Variants in ZDHHC2 observed in about 807,000 individuals in gnomAD.
ZDHHC2 encodes the protein zDHHC palmitoyltransferase 2, also known as palmitoyltransferase ZDHHC2.
ZDHHC2 carries 51 observed loss-of-function variants against 55.6 expected under a neutral mutation model. The observed-to-expected ratio is 0.92, with a 90% CI of 0.73 to 1.16. The LOEUF is 1.16. Ranked by LOEUF, ZDHHC2 falls within the 50% of genes most tolerant of loss-of-function variation. The pLI is 0.00. For missense variants in ZDHHC2, 491 were observed against 442.4 expected, an observed-to-expected ratio of 1.11 and a Z score of -0.99; for synonymous variants, 199 against 152.9, an observed-to-expected ratio of 1.30 and a Z score of -2.22.
At chr8:17,179,212 CA>C (rs1348272380) in intron 1 of ZDHHC2, among the ~76,000 whole-genome samples, 1 of 152,142 alleles carries the variant, frequency 6.6e-6, no homozygotes, top group Non-Finnish European at 1.5e-5. Context: ...CTTGGCCTCC[CA>C]AAGTGCTGGG....
chr8:17,186,518 CTT>C, intron 3 of ZDHHC2, 93 bp downstream of exon 3: 1 of 734,666 alleles, frequency 1.4e-6, no homozygotes, highest in Non-Finnish European at 2.0e-6. Context: ...ATGTTGCAAA[CTT>C]ATTGAGTTTA....
chr8:17,199,626 TTTC>T (rs1554466250), intron 6 of ZDHHC2, among the ~76,000 whole-genome samples: 10 of 48,572 alleles, frequency 2.1e-4, no homozygotes, highest in African/African-American at 4.0e-4. Context: ...TTCTTCTTCC[TTTC>T]TTCTTCTTCT....
At chr8:17,205,309 G>T (rs117636167) in intron 6 of ZDHHC2, among the ~76,000 whole-genome samples, 1 of 152,328 alleles carries the variant, frequency 6.6e-6, no homozygotes, top group African/African-American at 2.4e-5. Context: ...CAAAGATGGC[G>T]TAGAGGAAGG....
chr8:17,188,102 A>G (rs148431870), intron 3 of ZDHHC2, among the ~76,000 whole-genome samples: 75 of 152,348 alleles, frequency 4.9e-4, no homozygotes, highest in Non-Finnish European at 9.0e-4. Flanking sequence ...TATTATAATG[A>G]TAATTATGTT....
At chr8:17,198,360 G>C (rs1167912933) in intron 5 of ZDHHC2, 21 bp from the exon 6 acceptor site, 1 of 1,595,006 alleles carries the variant, frequency 6.3e-7, no homozygotes, top group Non-Finnish European at 8.5e-7. Flanking sequence ...ATTAGGTTTT[G>C]TGTTCTGCTT....
At position 17,163,711 on chromosome 8, in the gene ZDHHC2, A is replaced by C. The variant is rs578115573; in HGVS notation, c.130+6858A>C. On this transcript the variant is annotated intron_variant, in intron 1 of 12. Transcript: ENST00000262096. ...CAGCACTGCTTATGATGAGTGTAGAAATTCTGTCTTGTCTGTCTTGCAGAA... is the reference window on the plus strand; with the variant it reads ...CAGCACTGCTTATGATGAGTGTAGACATTCTGTCTTGTCTGTCTTGCAGAA... Among the ~76,000 whole-genome samples, 7 of 152,274 alleles carry C rather than the reference A, an allele frequency of 4.6e-5. No individual in the cohort carries two copies. The South Asian group carries it at 1.5e-3, about 32-fold the overall frequency.
chr8:17,191,891 A>G (rs1164817549), intron 3 of ZDHHC2, among the ~76,000 whole-genome samples: 1 of 152,188 alleles, frequency 6.6e-6, no homozygotes, highest in East Asian at 1.9e-4. Context: ...TGAGAAACCC[A>G]TCGTAGTAGT....
intron 1 of ZDHHC2, among the ~76,000 whole-genome samples, chr8:17,157,272 C>G (rs1804109830): frequency 6.6e-6 from 1 of 152,186 alleles, no homozygotes; most frequent in Non-Finnish European, 1.5e-5. Context: ...GGGTGCTGGC[C>G]TTGGCGGCGG....
At chr8:17,188,039 T>C (rs1195556051) in intron 3 of ZDHHC2, among the ~76,000 whole-genome samples, 1 of 152,252 alleles carries the variant, frequency 6.6e-6, no homozygotes, top group East Asian at 1.9e-4. Context: ...AATTTGGTTA[T>C]TTTAAAACAA....
intron 3 of ZDHHC2, among the ~76,000 whole-genome samples, chr8:17,187,097 A>C (rs181403055): frequency 2.0e-5 from 3 of 152,306 alleles, no homozygotes; most frequent in East Asian, 3.9e-4. Context: ...GGCCACATCT[A>C]CCCACAAGGA....
intron 1 of ZDHHC2, among the ~76,000 whole-genome samples, chr8:17,161,124 CAA>C (rs914868229): frequency 1.3e-5 from 2 of 152,164 alleles, no homozygotes; most frequent in Admixed American, 6.5e-5. Flanking sequence ...ACAAAATACA[CAA>C]AGCCTCCTAC....
rs575443842 is a variant in ZDHHC2 at position 17,184,419 on chromosome 8, A to T, written c.131-370A>T. Among the ~76,000 whole-genome samples, 20 of 152,352 alleles carry T rather than the reference A, an allele frequency of 1.3e-4. No individual in the cohort carries two copies. In the South Asian group the frequency reaches 2.1e-3, roughly 16 times the overall value. On this transcript the variant is annotated intron_variant, in intron 1 of 12. Coordinates refer to ENST00000262096, the MANE Select transcript of ZDHHC2 (RefSeq NM_016353.5). The stretch of plus-strand genomic sequence containing the variant: ...GTTGCCAGTTTATCAAGAGCAATAA[A>T]TGCCTGCGGAAATGTAATGACCTGG...
chr8:17,184,067 A>G (rs1805574857), intron 1 of ZDHHC2, among the ~76,000 whole-genome samples: 1 of 152,342 alleles, frequency 6.6e-6, no homozygotes, highest in Non-Finnish European at 1.5e-5. Flanking sequence ...AAAACTTCCA[A>G]AGACTCTAGT....
chr8:17,224,221 G>T lies in ZDHHC2; in HGVS notation c.*4000G>T, dbSNP rs548773302. 1 of 151,638 alleles carries T rather than the reference G, an allele frequency of 6.6e-6. No individual in the cohort carries two copies. The highest frequency in any genetic ancestry group is 1.5e-5 in the Non-Finnish European group (1 of 67,696). The allele number at this position is 151,638 out of a possible 1,614,324, so 9.4% of individuals were successfully genotyped here. ...TTTTAATCATTTGCAGACCTTTCTT[G>T]TTGCAGGAAAGTGAGGGCAAAAACA... On this transcript the variant is annotated 3_prime_UTR_variant, in exon 13 of 13. Coordinates refer to ENST00000262096, the MANE Select transcript of ZDHHC2 (RefSeq NM_016353.5).
chr8:17,173,541 G>A (rs2089177356), intron 1 of ZDHHC2, among the ~76,000 whole-genome samples: 1 of 151,624 alleles, frequency 6.6e-6, no homozygotes, highest in South Asian at 2.1e-4. Context: ...AAATTAGGAG[G>A]GCATGGTGGC....
chr8:17,200,491 C>A (rs1170953569), intron 6 of ZDHHC2, among the ~76,000 whole-genome samples: 2 of 152,140 alleles, frequency 1.3e-5, no homozygotes, highest in African/African-American at 4.8e-5. Flanking sequence ...TCATCATAGG[C>A]ATAGTGTTGA....
intron 12 of ZDHHC2, among the ~76,000 whole-genome samples, 178 bp downstream of exon 12, chr8:17,217,424 G>A (rs1401534061): frequency 6.6e-6 from 1 of 152,074 alleles, no homozygotes; most frequent in Non-Finnish European, 1.5e-5. Flanking sequence ...CCTAGCTTCA[G>A]TATTAGCTGG....
chr8:17,181,292 G>C (rs1288069876), intron 1 of ZDHHC2, among the ~76,000 whole-genome samples: 1 of 152,154 alleles, frequency 6.6e-6, no homozygotes, highest in East Asian at 1.9e-4. Flanking sequence ...GCCAGTTCTT[G>C]TGCTTTAATG....
chr8:17,170,436 T>C (rs1804804100), intron 1 of ZDHHC2, among the ~76,000 whole-genome samples: 1 of 152,238 alleles, frequency 6.6e-6, no homozygotes, highest in African/African-American at 2.4e-5. Flanking sequence ...TACATCCTTA[T>C]ATAGTTTCTT....
Sources: allele counts gnomAD v4.1 joint callset (sites outside exome capture counted in the v4.1 genomes callset), GRCh38; gene constraint gnomAD v4.1.1; transcripts MANE v1.5; gene names NCBI Gene and HGNC (gene_info 2026-07-23, HGNC 2026-07-21).